The following PCDHA12 variants were observed in gnomAD, a reference collection of about 807,000 sequenced individuals.
PCDHA12 encodes protocadherin alpha-12.
PCDHA12 carries 44 observed loss-of-function variants against 60.0 expected under a neutral mutation model. The observed-to-expected ratio is 0.73, with a 90% CI of 0.58 to 0.94. The LOEUF (loss-of-function observed/expected upper bound fraction) is 0.94. PCDHA12 is among the 40% of genes least tolerant of loss of function. The pLI is 0.00. For synonymous variants in PCDHA12, 569 were observed against 553.0 expected, an observed-to-expected ratio of 1.03 and a Z score of -0.40; for missense variants, 1,276 against 1,239.7, an observed-to-expected ratio of 1.03 and a Z score of -0.44.
chr5:140,932,346 A>C (rs529573484), intron 1 of PCDHA12, among the ~76,000 whole-genome samples: 1 of 151,954 alleles, frequency 6.6e-6, no homozygotes, highest in African/African-American at 2.4e-5. Context: ...AACACTTACC[A>C]TACAACTGGC....
In PCDHA12 at chr5:140,875,982, T is replaced by C. The variant is rs782696437; in HGVS notation, c.510T>C (p.Tyr170=). 8 of 1,613,890 alleles carry C rather than the reference T, an allele frequency of 5.0e-6. No homozygotes were observed. Among genetic ancestry groups the C allele is most frequent in the Middle Eastern group, 1.6e-4 (1 of 6,084 alleles). Residue 170 remains tyrosine (Y), a synonymous_variant, in exon 1 of 4, where the codon TAT becomes TAC. Coordinates refer to ENST00000398631, the MANE Select transcript of PCDHA12 (RefSeq NM_018903.4). ...TCGGCGTAAACTCTCTTTTGACCTATGCGTTAAGTCTAAATGAGAATTTTG... is the reference window on the plus strand; with the variant it reads ...TCGGCGTAAACTCTCTTTTGACCTACGCGTTAAGTCTAAATGAGAATTTTG... The part of the protein sequence containing the change: ...ADIGVNSLLT[Y]ALSLNENFEL...
At chr5:140,918,573 C>CT (rs1392285106) in intron 1 of PCDHA12, among the ~76,000 whole-genome samples, 1 of 152,154 alleles carries the variant, frequency 6.6e-6, no homozygotes, top group Non-Finnish European at 1.5e-5. Context: ...TATTATGCTG[C>CT]TATTGGCTAT....
At chr5:140,880,064 G>C (rs967410421) in intron 1 of PCDHA12, among the ~76,000 whole-genome samples, 2 of 152,148 alleles carry the variant, frequency 1.3e-5, no homozygotes, top group African/African-American at 2.4e-5. Context: ...ACTTTTTGGG[G>C]ACCACAATTC....
chr5:140,892,172 G>A (rs2063414943), intron 1 of PCDHA12, among the ~76,000 whole-genome samples: 1 of 152,100 alleles, frequency 6.6e-6, no homozygotes, highest in African/African-American at 2.4e-5. Flanking sequence ...CAGTAACTGG[G>A]ATCCTCATGG....
intron 1 of PCDHA12, among the ~76,000 whole-genome samples, chr5:140,935,606 T>C (rs531169810): frequency 6.6e-6 from 1 of 152,352 alleles, no homozygotes; most frequent in East Asian, 1.9e-4. Flanking sequence ...GAGCTAGGCT[T>C]TTTTCAAGTC....
rs782636217 is a variant in PCDHA12 at position 140,928,409 on chromosome 5, C to T, written c.2368-50540C>T. The T allele has an allele frequency of 1.9e-6, 3 of 1,614,030 alleles. No individual in the cohort carries two copies. The Admixed American group carries it at 5.0e-5, about 27-fold the overall frequency. On this transcript the variant is annotated intron_variant, in intron 1 of 3. Coordinates refer to ENST00000398631, the MANE Select transcript of PCDHA12 (RefSeq NM_018903.4). ...CTGGCAGTGGAATCATCCAGTGGGG[C>T]CATCACTGCCAAAACTTCCTTTGAC...
chr5:140,928,551 G>T, intron 1 of PCDHA12: 2 of 1,614,164 alleles, frequency 1.2e-6, no homozygotes, highest in Non-Finnish European at 1.7e-6. Context: ...ACAATTATCC[G>T]GTTATCTTGT....
intron 3 of PCDHA12, among the ~76,000 whole-genome samples, chr5:140,991,325 G>C (rs899183687): frequency 3.3e-5 from 5 of 152,184 alleles, no homozygotes; most frequent in Non-Finnish European, 5.9e-5. Flanking sequence ...GATACATGAA[G>C]GGAATAGCTT....
chr5:140,912,889 G>T (rs782116758), intron 1 of PCDHA12, among the ~76,000 whole-genome samples: 8 of 152,140 alleles, frequency 5.3e-5, no homozygotes, highest in Non-Finnish European at 1.2e-4. Context: ...TCATTCTGTT[G>T]ATATGATGTA....
Position 140,892,378 on chromosome 5 carries a change from A to G in PCDHA12, c.2367+14539A>G, listed in dbSNP as rs13360703. 4.7e-3 allele frequency among the ~76,000 whole-genome samples: 722 copies of G among 152,344 alleles called. 7 individuals are homozygous for G. Among genetic ancestry groups the G allele is most frequent in the African/African-American group, 0.016 (672 of 41,584 alleles). On this transcript the variant is annotated intron_variant, in intron 1 of 3. Coordinates refer to ENST00000398631, the MANE Select transcript of PCDHA12 (RefSeq NM_018903.4). Reference sequence around the variant, plus strand: ...CAGGCATCTTGGGGCACTAGCAATCATGGGTAATCTTAATCTATTTCAAGC... The same window carrying G: ...CAGGCATCTTGGGGCACTAGCAATCGTGGGTAATCTTAATCTATTTCAAGC...
chr5:140,934,523 C>T (rs782685676), intron 1 of PCDHA12, among the ~76,000 whole-genome samples: 15 of 152,236 alleles, frequency 9.9e-5, no homozygotes, highest in South Asian at 8.3e-4. Context: ...GACCACACTT[C>T]GAGAGCTACC....
intron 1 of PCDHA12, chr5:140,929,372 G>A: frequency 1.3e-6 from 2 of 1,514,740 alleles, no homozygotes; most frequent in Non-Finnish European, 1.8e-6. Context: ...GGAGATGGCT[G>A]CTAGCTGTGT....
intron 3 of PCDHA12, among the ~76,000 whole-genome samples, chr5:140,990,798 A>G (rs1554251753): frequency 6.6e-6 from 1 of 152,208 alleles, no homozygotes; most frequent in Admixed American, 6.5e-5. Context: ...ACCATGGAAT[A>G]CAGAAGAAGC....
chr5:140,992,258 A>G (rs1316409303), intron 3 of PCDHA12, among the ~76,000 whole-genome samples: 1 of 152,168 alleles, frequency 6.6e-6, no homozygotes, highest in African/African-American at 2.4e-5. Flanking sequence ...GCTAAAGATG[A>G]AAGTTCTTTT....
intron 1 of PCDHA12, chr5:140,966,778 G>A: frequency 6.6e-7 from 1 of 1,512,496 alleles, no homozygotes; most frequent in Non-Finnish European, 8.8e-7. Flanking sequence ...TGGAGCAGGC[G>A]GGCACCAGAC....
intron 1 of PCDHA12, among the ~76,000 whole-genome samples, chr5:140,888,362 T>G (rs1282144902): frequency 6.6e-6 from 1 of 152,208 alleles, no homozygotes; most frequent in African/African-American, 2.4e-5. Flanking sequence ...TACTGGCATC[T>G]AATAATGGAG....
intron 1 of PCDHA12, chr5:140,883,325 A>C: frequency 6.2e-7 from 1 of 1,614,118 alleles, no homozygotes; most frequent in Non-Finnish European, 8.5e-7. Context: ...GGTTACCATC[A>C]CTTCTTTGTC....
At chr5:140,941,334 T>C (rs1398027134) in intron 1 of PCDHA12, among the ~76,000 whole-genome samples, 2 of 133,354 alleles carry the variant, frequency 1.5e-5, no homozygotes, top group African/African-American at 5.5e-5. Flanking sequence ...TTTTTTTTTT[T>C]CAGATGGAGT....
At chr5:140,907,970 A>C (rs1312755290) in intron 1 of PCDHA12, among the ~76,000 whole-genome samples, 3 of 152,158 alleles carry the variant, frequency 2.0e-5, no homozygotes, top group Admixed American at 2.0e-4. Flanking sequence ...CAATTTTCCA[A>C]TCATGCTTCT....
Sources: gnomAD v4.1 joint callset for allele counts (sites outside exome capture counted in the v4.1 genomes callset) on GRCh38, gnomAD v4.1.1 for gene constraint, MANE v1.5 for transcripts, NCBI Gene and HGNC (gene_info 2026-07-23, HGNC 2026-07-21) for gene names.